The following HDAC4 variants were observed in gnomAD, a reference collection of about 807,000 sequenced individuals.
HDAC4 encodes histone deacetylase A.
HDAC4 carries 16 observed loss-of-function variants against 135.1 expected under a neutral mutation model. The ratio of observed to expected loss-of-function variants is 0.12; its 90% CI spans 0.08 to 0.18. The LOEUF (loss-of-function observed/expected upper bound fraction) is 0.18. HDAC4 is among the 10% of genes least tolerant of loss of function. The pLI, the probability that HDAC4 is intolerant of heterozygous loss-of-function variation, is 1.00. For missense variants in HDAC4, 1,143 were observed against 1,511.8 expected (o/e 0.76, Z 4.05); for synonymous variants, 685 against 653.4 (o/e 1.05, Z -0.74).
At chr2:239,108,989 G>A (rs1414723631) in intron 14 of HDAC4, among the ~76,000 whole-genome samples, 3 of 152,252 alleles carry the variant, frequency 2.0e-5, no homozygotes, top group East Asian at 1.9e-4. Flanking sequence ...GTCAGCATAC[G>A]TGGGACCGCT....
rs539288824 is a variant in HDAC4 at position 239,195,738 on chromosome 2, C to T, written c.95-5661G>A. On this transcript the variant is annotated intron_variant, in intron 3 of 26. Coordinates refer to ENST00000543185, the MANE Select transcript of HDAC4 (RefSeq NM_001378414.1). ...GAATATTCTACGGTACAGCAGAAAACGGCTTTTATAGGTTGTGCCTTGAGA... is the reference window on the plus strand; with the variant it reads ...GAATATTCTACGGTACAGCAGAAAATGGCTTTTATAGGTTGTGCCTTGAGA... 1.1e-4 allele frequency among the ~76,000 whole-genome samples: 16 copies of T among 152,236 alleles called. 1 individual carries two copies. The South Asian group carries it at 2.5e-3, about 24-fold the overall frequency.
intron 2 of HDAC4, among the ~76,000 whole-genome samples, chr2:239,277,137 A>AT (rs1341897844): frequency 3.3e-5 from 5 of 152,218 alleles, no homozygotes; most frequent in Non-Finnish European, 7.3e-5. Flanking sequence ...ACCTTGGTGT[A>AT]CCCAGCACCT....
chr2:239,291,201 G>C (rs1291050330), intron 2 of HDAC4, among the ~76,000 whole-genome samples: 1 of 152,246 alleles, frequency 6.6e-6, no homozygotes, highest in Non-Finnish European at 1.5e-5. Context: ...CTGCCGTCGA[G>C]TGCCAGGGGG....
chr2:239,350,271 C>G (rs1018757858), intron 2 of HDAC4, among the ~76,000 whole-genome samples: 8 of 151,268 alleles, frequency 5.3e-5, no homozygotes, highest in Admixed American at 2.6e-4. Context: ...AATTTTTAAG[C>G]TTTAAAAAAA....
intron 1 of HDAC4, among the ~76,000 whole-genome samples, chr2:239,361,556 G>A (rs1693869151): frequency 6.6e-6 from 1 of 152,166 alleles, no homozygotes; most frequent in African/African-American, 2.4e-5. Context: ...AGGCAGAGAA[G>A]AGAAAAATTA....
At chr2:239,224,965 G>T (rs1346450909) in intron 3 of HDAC4, among the ~76,000 whole-genome samples, 1 of 152,166 alleles carries the variant, frequency 6.6e-6, no homozygotes, top group African/African-American at 2.4e-5. Flanking sequence ...ATATATTAAA[G>T]ATTCATAAAA....
intron 22 of HDAC4, among the ~76,000 whole-genome samples, chr2:239,070,927 GTTTTT>G (rs10572423): frequency 1.1e-4 from 16 of 144,036 alleles, no homozygotes; most frequent in East Asian, 2.0e-4. Context: ...AGTCTCTGTT[GTTTTT>G]TTTTTTTTTT....
intron 3 of HDAC4, among the ~76,000 whole-genome samples, chr2:239,216,922 GAC>G (rs2046673998): frequency 6.6e-6 from 1 of 152,226 alleles, no homozygotes; most frequent in South Asian, 2.1e-4. Context: ...ATTTCTAAAT[GAC>G]ACAGTCCCTG....
At chr2:239,123,309 C>A (rs1405311108) in intron 12 of HDAC4, among the ~76,000 whole-genome samples, 1 of 152,248 alleles carries the variant, frequency 6.6e-6, no homozygotes, top group Non-Finnish European at 1.5e-5. Flanking sequence ...CCCTTCCCGT[C>A]CCAATGAGGG....
At position 239,367,367 on chromosome 2, in the gene HDAC4, G is replaced by A. The variant is rs567335793; in HGVS notation, c.-219-14449C>T. On this transcript the variant is annotated intron_variant, in intron 1 of 26. Coordinates refer to ENST00000543185, the MANE Select transcript of HDAC4 (RefSeq NM_001378414.1). ...CACGACGCTTTGTGTTTTACCGAAC[G>A]GTTATTTTTTGTTAAAAATGTTACC... Among the ~76,000 whole-genome samples the A allele has an allele frequency of 5.9e-4, 89 of 152,068 alleles. 1 individual carries two copies. Among genetic ancestry groups the A allele is most frequent in the Non-Finnish European group, 1.0e-3 (68 of 68,018 alleles).
Position 239,313,662 on chromosome 2 carries a change from G to A in HDAC4, c.22+39016C>T, listed in dbSNP as rs768741333. Among the ~76,000 whole-genome samples, 12 of 152,316 alleles carry A rather than the reference G, an allele frequency of 7.9e-5. No individual in the cohort carries two copies. Among genetic ancestry groups the A allele is most frequent in the South Asian group, 2.1e-4 (1 of 4,826 alleles). On this transcript the variant is annotated intron_variant, in intron 2 of 26. Transcript: ENST00000543185. This position sits in a 1 kb window ranked among gnomAD's most constrained non-coding sequence, Gnocchi z 5.1. ...GAGAAAGTTTCTTATGAAAATAAGCGCCTCAAAAGAAAGCCAACGTACAGC... is the reference window on the plus strand; with the variant it reads ...GAGAAAGTTTCTTATGAAAATAAGCACCTCAAAAGAAAGCCAACGTACAGC...
Position 239,245,115 on chromosome 2 carries a change from A to C in HDAC4, c.23-8451T>G, listed in dbSNP as rs1161862648. On this transcript the variant is annotated intron_variant, in intron 2 of 26. Coordinates refer to ENST00000543185, the MANE Select transcript of HDAC4 (RefSeq NM_001378414.1). This position sits in a 1 kb window ranked among gnomAD's most constrained non-coding sequence, Gnocchi z 4.4. ...TATTAGAGAAAATGAAAATGGAAAA[A>C]GATTCTTTCCCTAAGCAATATTTTT... Among the ~76,000 whole-genome samples, 1 of 152,242 alleles carries C rather than the reference A, an allele frequency of 6.6e-6. No homozygotes were observed. The highest frequency in any genetic ancestry group is 2.4e-5 in the African/African-American group (1 of 41,464).
chr2:239,180,174 C>G (rs1039363036), intron 4 of HDAC4, among the ~76,000 whole-genome samples: 1 of 152,130 alleles, frequency 6.6e-6, no homozygotes, highest in African/African-American at 2.4e-5. Flanking sequence ...TCCAGGTGGC[C>G]ACCACACCCT....
In HDAC4 at chr2:239,054,632, G is replaced by A. The variant is rs566637922; in HGVS notation, c.3088+117C>T. Reference sequence around the variant, plus strand: ...CAAGGCCTTCTGCTGCAGGCCTGGGGAAGCAGCCGGCAGTGGGATGGAGAA... The same window carrying A: ...CAAGGCCTTCTGCTGCAGGCCTGGGAAAGCAGCCGGCAGTGGGATGGAGAA... On this transcript the variant is annotated intron_variant, in intron 25 of 26. Coordinates refer to ENST00000543185, the MANE Select transcript of HDAC4 (RefSeq NM_001378414.1). The A allele has an allele frequency of 4.4e-5, 34 of 769,370 alleles. 1 individual carries two copies. Among genetic ancestry groups the A allele is most frequent in the South Asian group, 2.6e-4 (19 of 73,372 alleles). 47.7% of individuals were successfully genotyped at this position (769,370 alleles called of 1,614,324 possible). A position where few individuals can be genotyped will look rare whatever the true frequency, so the allele number is the denominator to read the frequency against.
At chr2:239,069,601 T>G (rs33924582) in intron 22 of HDAC4, among the ~76,000 whole-genome samples, 8 of 55,036 alleles carry the variant, frequency 1.5e-4, no homozygotes, top group Non-Finnish European at 7.4e-5. Context: ...TTGGTGAGAG[T>G]GAGTCACAGT....
intron 15 of HDAC4, among the ~76,000 whole-genome samples, chr2:239,103,330 A>G (rs1431478937): frequency 6.6e-6 from 1 of 151,980 alleles, no homozygotes; most frequent in African/African-American, 2.4e-5. Context: ...CCTTCCTTGG[A>G]CCGCCCGGGG....
At chr2:239,117,190 G>C (rs1243749513) in intron 12 of HDAC4, among the ~76,000 whole-genome samples, 4 of 152,186 alleles carry the variant, frequency 2.6e-5, no homozygotes, top group Non-Finnish European at 2.9e-5. Context: ...AGCGTGGAAG[G>C]CCAGAGAACA....
intron 2 of HDAC4, among the ~76,000 whole-genome samples, chr2:239,278,198 A>AG (rs2050500032): frequency 6.6e-6 from 1 of 152,046 alleles, no homozygotes; most frequent in South Asian, 2.1e-4. Flanking sequence ...AAAAAAAAAA[A>AG]AACAGACTGG....
intron 2 of HDAC4, among the ~76,000 whole-genome samples, chr2:239,279,860 C>T (rs909156797): frequency 2.0e-5 from 3 of 152,212 alleles, no homozygotes; most frequent in Non-Finnish European, 2.9e-5. Flanking sequence ...CCACGCCTTC[C>T]CCAGGACCCT....
Sources: allele counts gnomAD v4.1 joint callset (sites outside exome capture counted in the v4.1 genomes callset), GRCh38; gene constraint gnomAD v4.1.1; non-coding constraint Gnocchi (gnomAD v3.1); transcripts MANE v1.5; gene names NCBI Gene and HGNC (gene_info 2026-07-23, HGNC 2026-07-21).